ACY1: variants seen among roughly 807,000 people sequenced by gnomAD.
ACY1 encodes aminoacylase-1.
ACY1 carries 38 observed loss-of-function variants against 53.3 expected under a neutral mutation model. The observed-to-expected ratio is 0.71, with a 90% confidence interval of 0.55 to 0.93. The LOEUF (loss-of-function observed/expected upper bound fraction) is 0.93. ACY1 is among the 40% of genes least tolerant of loss of function. ACY1 has a pLI of 0.00. For synonymous variants in ACY1, 177 were observed against 202.1 expected, an observed-to-expected ratio of 0.88 and a Z score of 1.05; for missense variants, 484 against 540.9, an observed-to-expected ratio of 0.89 and a Z score of 1.04.
In ACY1 at chr3:51,984,095, C is replaced by G. The variant is rs781031454; in HGVS notation, c.31C>G (p.Pro11Ala). The change falls in exon 2 of 15, where the codon CCA becomes GCA. Residue 11 changes from proline (P) to alanine (A), a missense_variant. By Grantham distance (27) the Pro-to-Ala change is conservative (BLOSUM62 -1). Transcript: ENST00000636358. ...CAGCAAGGGTCCCGAGGAGGAGCAC[C>G]CATCGGTGACGCTCTTCCGCCAGTA... is the stretch of plus-strand genomic sequence containing the variant. The part of the protein sequence containing the change: MTSKGPEEEH[P>A]SVTLFRQYLR... The G allele has an allele frequency of 4.0e-5, 65 of 1,613,764 alleles. No homozygotes were observed. Among genetic ancestry groups the G allele is most frequent in the Non-Finnish European group, 5.3e-5 (62 of 1,180,038 alleles).
intron 8 of ACY1, 126 bp downstream of exon 8, chr3:51,986,787 C>T (rs1701078257): frequency 7.4e-7 from 1 of 1,347,718 alleles, no homozygotes; most frequent in East Asian, 2.3e-5. Context: ...AGGGCCTCTA[C>T]CTCCCAGCTC....
At chr3:51,988,289 GC>G (rs1313812486) in intron 12 of ACY1, 1 of 609,174 alleles carries the variant, frequency 1.6e-6, no homozygotes, top group African/African-American at 1.8e-5. Flanking sequence ...GGGCACTTGG[GC>G]TAGGATCTGA....
rs1057185534 is a variant in ACY1 at position 51,985,274 on chromosome 3, G to A, written c.159+3G>A. The A allele has an allele frequency of 1.2e-6, 2 of 1,611,486 alleles. No homozygotes were observed. Among genetic ancestry groups the A allele is most frequent in the Non-Finnish European group, 1.7e-6 (2 of 1,178,924 alleles). ...GCCTGGGCTGTCAGAAAGTAGAGGT[G>A]AGCCTGGGGCCCTAAGCGGGGAAGG... On this transcript the variant is annotated splice_donor_region_variant and intron_variant, in intron 3 of 14. Transcript: ENST00000636358.
chr3:51,986,670 G>C lies in ACY1; in HGVS notation c.583+9G>C. 6.2e-7 allele frequency: 1 copy of C among 1,613,714 alleles called. No homozygotes were observed. Among genetic ancestry groups the C allele is most frequent in the South Asian group, 1.1e-5 (1 of 91,082 alleles). ...TGAGCGGAGTCCCTGGTGTAAGTAT[G>C]AGCTTGGAGGGAGGGCTCACTCTAC... On this transcript the variant is annotated intron_variant, in intron 8 of 14. Coordinates refer to ENST00000636358, the MANE Select transcript of ACY1 (RefSeq NM_000666.3).
Position 51,987,620 on chromosome 3 carries a change from C to T in ACY1, c.917C>T (p.Ala306Val). 6.2e-7 allele frequency: 1 copy of T among 1,613,874 alleles called. No homozygotes were observed. The highest frequency in any genetic ancestry group is 8.5e-7 in the Non-Finnish European group (1 of 1,179,922). The change falls in exon 12 of 15, where the codon GCT becomes GTT. Residue 306 changes from alanine (A) to valine (V), a missense_variant. Transcript: ENST00000636358. ...GGCGAGGGGGTCACCCTAGAGTTTG[C>T]TCAGGTATGGACTTGGGACATGTGA... ...AAGEGVTLEFAQKWMHPQVTP... is the reference protein window; with the variant it reads ...AAGEGVTLEFVQKWMHPQVTP...
chr3:51,988,728 T>C, intron 13 of ACY1, 38 bp from the exon 14 acceptor site: 1 of 1,611,932 alleles, frequency 6.2e-7, no homozygotes, highest in Non-Finnish European at 8.5e-7. Context: ...AATTCTTCGC[T>C]TTCTCCCTCC....
intron 4 of ACY1, 25 bp from the exon 5 acceptor site, chr3:51,985,827 C>A (rs1367170145): frequency 6.2e-7 from 1 of 1,601,790 alleles, no homozygotes; most frequent in South Asian, 1.1e-5. Flanking sequence ...GGGGTTTGGG[C>A]CCCTCTTCCC....
At chr3:51,987,248 G>A in intron 10 of ACY1, 52 bp downstream of exon 10, 1 of 1,614,066 alleles carries the variant, frequency 6.2e-7, no homozygotes, top group South Asian at 1.1e-5. Flanking sequence ...GTACCACAGA[G>A]GATAGAGTCT....
In ACY1 at chr3:51,988,811, C is replaced by A. The variant is rs1426965149; in HGVS notation, c.1047C>A (p.Asn349Lys). Residue 349 changes from asparagine (N) to lysine (K), a missense_variant, in exon 14 of 15, where the codon AAC (asparagine) becomes AAA (lysine). Transcript: ENST00000636358. ...EPEIMPAATD[N>K]RYIRAVGVPA... ...AGATCATGCCTGCTGCCACTGACAA[C>A]CGCTATATCCGCGCGGTGAGCCACT... 5.0e-6 allele frequency: 8 copies of A among 1,614,110 alleles called. No individual in the cohort carries two copies. The highest frequency in any genetic ancestry group is 1.3e-5 in the African/African-American group (1 of 74,936).
chr3:51,983,979 G>A (rs1229214063), intron 1 of ACY1, 68 bp from the exon 2 acceptor site: 1 of 1,182,824 alleles, frequency 8.5e-7, no homozygotes, highest in Non-Finnish European at 1.3e-6. Flanking sequence ...CGTGGGGACA[G>A]GCTGTGTGCA....
At position 51,986,289 on chromosome 3, in the gene ACY1, G is replaced by A. The variant is rs759650723; in HGVS notation, c.394G>A (p.Gly132Ser). 4 of 1,606,894 alleles carry A rather than the reference G, an allele frequency of 2.5e-6. No individual in the cohort carries two copies. In the South Asian group the frequency reaches 4.4e-5, roughly 18 times the overall value. The change falls in exon 6 of 15, where the codon GGC becomes AGC. Residue 132 changes from glycine to serine, a missense_variant. Gly to Ser is a moderately conservative substitution (Grantham distance 56). Transcript: ENST00000636358. ...LEAVRRLKVE[G>S]HRFPRTIHMT... ...AGCTGTGAGGAGGCTGAAGGTGGAGGGCCACCGGTTCCCCAGAACCATCCA... is the reference window on the plus strand; with the variant it reads ...AGCTGTGAGGAGGCTGAAGGTGGAGAGCCACCGGTTCCCCAGAACCATCCA...
rs770313896 is a variant in ACY1, at chr3:51,986,996, G to A, written c.592G>A (p.Val198Ile). 6.2e-7 allele frequency: 1 copy of A among 1,612,560 alleles called. No homozygotes were observed. The highest frequency in any genetic ancestry group is 8.5e-7 in the Non-Finnish European group (1 of 1,179,970). Residue 198 changes from valine (V) to isoleucine (I), a missense_variant, in exon 9 of 15, where the codon GTT (valine) becomes ATT (isoleucine). Coordinates refer to ENST00000636358, the MANE Select transcript of ACY1 (RefSeq NM_000666.3). ...YSERSPWWVR[V>I]TSTGRPGHAS... ...CCCCTACACCTCCCCAGGGGTGCGGGTTACCAGCACTGGGAGGCCAGGCCA... is the reference window on the plus strand; with the variant it reads ...CCCCTACACCTCCCCAGGGGTGCGGATTACCAGCACTGGGAGGCCAGGCCA...
Position 51,984,949 on chromosome 3 carries a change from T to C in ACY1, c.95-258T>C, listed in dbSNP as rs1701004637. 4.3e-5 allele frequency: 24 copies of C among 557,574 alleles called. No individual in the cohort carries two copies. The South Asian group carries it at 4.6e-4, about 11-fold the overall frequency. The allele number at this position is 557,574 out of a possible 1,614,324, so 34.5% of individuals were successfully genotyped here. On this transcript the variant is annotated intron_variant, in intron 2 of 14. Transcript: ENST00000636358. ...TGAATCTCTTCATGTCTCTGTGCCA[T>C]AGTTTCCCATATTTAAGGAAGATAA... is the stretch of plus-strand genomic sequence containing the variant.
In ACY1 at chr3:51,985,443, C is replaced by T. The variant is rs547722934; in HGVS notation, c.242C>T (p.Thr81Met). ...TLSSILLNSH[T>M]DVVPVFKEHW... is the part of the protein sequence containing the mutation. The stretch of plus-strand genomic sequence containing the variant: ...TCCTCCATCTTGCTCAACTCCCACA[C>T]GGATGTGGTGCCTGTCTTCAAGGTG... Residue 81 changes from threonine to methionine, a missense_variant, in exon 4 of 15, where the codon ACG (threonine) becomes ATG (methionine). Thr to Met is a moderately conservative substitution (Grantham distance 81). Coordinates refer to ENST00000636358, the MANE Select transcript of ACY1 (RefSeq NM_000666.3). 442 of 1,614,030 alleles carry T rather than the reference C, an allele frequency of 2.7e-4. 6 individuals are homozygous for T. The South Asian group carries it at 4.4e-3, about 16-fold the overall frequency.
In ACY1 at chr3:51,988,790, C is replaced by T. The variant is rs1206542493; in HGVS notation, c.1026C>T (p.Ile342=). ...KDMNLTLEPE[I]MPAATDNRYI... Reference sequence around the variant, plus strand: ...GGAACCTCACTCTGGAGCCTGAGATCATGCCTGCTGCCACTGACAACCGCT... The same window carrying T: ...GGAACCTCACTCTGGAGCCTGAGATTATGCCTGCTGCCACTGACAACCGCT... The change falls in exon 14 of 15, where the codon ATC becomes ATT. Residue 342 remains isoleucine (I), a synonymous_variant. Coordinates refer to ENST00000636358, the MANE Select transcript of ACY1 (RefSeq NM_000666.3). 3.1e-6 allele frequency: 5 copies of T among 1,614,082 alleles called. No homozygotes were observed. The African/African-American group carries it at 4.0e-5, about 13-fold the overall frequency.
intron 2 of ACY1, chr3:51,984,909 C>A: frequency 2.0e-6 from 1 of 490,972 alleles, no homozygotes; most frequent in Non-Finnish European, 3.7e-6. Flanking sequence ...GATTAATCAG[C>A]TGAGAGATGG....
At chr3:51,986,082 C>A in intron 5 of ACY1, 136 bp downstream of exon 5, 2 of 1,076,820 alleles carry the variant, frequency 1.9e-6, no homozygotes, top group Non-Finnish European at 2.8e-6. Context: ...ACTGCCATGA[C>A]CATTGCATGG....
At position 51,989,195 on chromosome 3, in the gene ACY1, C is replaced by T; in HGVS notation, c.*120C>T. 1 of 1,381,984 alleles carries T rather than the reference C, an allele frequency of 7.2e-7. No individual in the cohort carries two copies. The highest frequency in any genetic ancestry group is 1.0e-6 in the Non-Finnish European group (1 of 994,640). The allele number at this position is 1,381,984 out of a possible 1,614,324, so 85.6% of individuals were successfully genotyped here. ...CAGGGCTGTCTCTGAAGTACTAACACAAGGACACTCGTGGAGCAAGAATTT... is the reference window on the plus strand; with the variant it reads ...CAGGGCTGTCTCTGAAGTACTAACATAAGGACACTCGTGGAGCAAGAATTT... On this transcript the variant is annotated 3_prime_UTR_variant, in exon 15 of 15. Transcript: ENST00000636358.
At chr3:51,988,262 G>A (rs753156903) in intron 12 of ACY1, 6 of 577,968 alleles carry the variant, frequency 1.0e-5, no homozygotes, top group Non-Finnish European at 1.6e-5. Context: ...AGGTCTGGGG[G>A]AGCCATCTTG....
Sources: allele counts gnomAD v4.1 joint callset, GRCh38; gene constraint gnomAD v4.1.1; transcripts MANE v1.5; gene names NCBI Gene and HGNC (gene_info 2026-07-23, HGNC 2026-07-21).